PLA2G4A: variants seen among roughly 807,000 people sequenced by gnomAD.
The protein encoded by PLA2G4A is cytosolic phospholipase A2.
Under a neutral mutation model 81.9 loss-of-function variants are expected in PLA2G4A, and 40 were observed. The ratio of observed to expected loss-of-function variants is 0.49; its 90% confidence interval spans 0.38 to 0.64. The LOEUF is 0.64. Ranked by LOEUF, PLA2G4A falls within the 30% of genes least tolerant of loss-of-function variation. The pLI is 0.00. For synonymous variants in PLA2G4A, 302 were observed against 296.9 expected (o/e 1.02, Z -0.18); for missense variants, 715 against 905.1 (o/e 0.79, Z 2.69).
At chr1:186,928,141 CTG>C (rs1655616021) in intron 7 of PLA2G4A, among the ~76,000 whole-genome samples, 1 of 152,112 alleles carries the variant, frequency 6.6e-6, no homozygotes, top group Admixed American at 6.6e-5. Flanking sequence ...GAGCTGGAAA[CTG>C]GCCTAACTGG....
intron 5 of PLA2G4A, among the ~76,000 whole-genome samples, chr1:186,905,832 G>T (rs949649349): frequency 6.6e-6 from 1 of 152,078 alleles, no homozygotes; most frequent in Non-Finnish European, 1.5e-5. Context: ...AGTGAGAGAG[G>T]CAAATTTTTG....
At chr1:186,969,339 T>G (rs1657260210) in intron 15 of PLA2G4A, among the ~76,000 whole-genome samples, 1 of 151,894 alleles carries the variant, frequency 6.6e-6, no homozygotes, top group African/African-American at 2.4e-5. Context: ...CAATCATATG[T>G]GGAAAGATCA....
intron 1 of PLA2G4A, among the ~76,000 whole-genome samples, chr1:186,847,356 A>G (rs935312683): frequency 2.0e-5 from 2 of 100,208 alleles, no homozygotes; most frequent in African/African-American, 8.5e-5. Context: ...ATTATTTCAT[A>G]CGTGTGTGTG....
At chr1:186,875,560 C>T (rs563944092) in intron 3 of PLA2G4A, among the ~76,000 whole-genome samples, 2 of 151,626 alleles carry the variant, frequency 1.3e-5, no homozygotes, top group South Asian at 2.1e-4. Context: ...ATGTACTATA[C>T]ACACACACAC....
chr1:186,958,144 A>G (rs187060102), intron 14 of PLA2G4A, among the ~76,000 whole-genome samples: 1 of 152,168 alleles, frequency 6.6e-6, no homozygotes, highest in East Asian at 1.9e-4. Context: ...GATTAGTGCA[A>G]ACTCATTATA....
rs116030334 is a variant in PLA2G4A, at chr1:186,865,583, T to C, written c.34-4852T>C. ...CTCTGGGTTCAGTAATCACACATCA[T>C]AGTCTTTGTCATACTAACAGTTTTA... is the stretch of plus-strand genomic sequence containing the variant. On this transcript the variant is annotated intron_variant, in intron 2 of 17. Coordinates refer to ENST00000367466, the MANE Select transcript of PLA2G4A (RefSeq NM_024420.3). Among the ~76,000 whole-genome samples the C allele has an allele frequency of 4.4e-3, 666 of 152,312 alleles. 5 individuals carry two copies. Among genetic ancestry groups the C allele is most frequent in the African/African-American group, 0.014 (598 of 41,578 alleles).
chr1:186,932,929 T>A, intron 8 of PLA2G4A, 30 bp downstream of exon 8: 1 of 1,500,444 alleles, frequency 6.7e-7, no homozygotes, highest in Non-Finnish European at 9.3e-7. Context: ...TTTAGTTTTA[T>A]AACTTTAAAT....
chr1:186,986,082 A>T (rs1305413704), intron 17 of PLA2G4A, among the ~76,000 whole-genome samples: 1 of 152,148 alleles, frequency 6.6e-6, no homozygotes, highest in South Asian at 2.1e-4. Context: ...TGGTGTTAAT[A>T]TGCCACCTAG....
chr1:186,914,258 T>G (rs972961678), intron 7 of PLA2G4A, among the ~76,000 whole-genome samples: 1 of 91,064 alleles, frequency 1.1e-5, no homozygotes, highest in East Asian at 3.3e-4. Flanking sequence ...CCCAGAAAAT[T>G]TATATATATA....
intron 1 of PLA2G4A, among the ~76,000 whole-genome samples, chr1:186,836,428 A>G (rs536421446): frequency 1.1e-4 from 17 of 152,164 alleles, no homozygotes; most frequent in Middle Eastern, 3.4e-3. Flanking sequence ...ATCACAATGA[A>G]AAGGATGCTC....
At chr1:186,851,381 T>C (rs548098025) in intron 1 of PLA2G4A, among the ~76,000 whole-genome samples, 2 of 144,878 alleles carry the variant, frequency 1.4e-5, no homozygotes, top group South Asian at 4.6e-4. Context: ...AAGAAATCAC[T>C]TCTGAGGGGA....
chr1:186,856,808 T>C (rs1652569644), intron 2 of PLA2G4A, among the ~76,000 whole-genome samples: 1 of 151,596 alleles, frequency 6.6e-6, no homozygotes, highest in African/African-American at 2.4e-5. Context: ...AGCATAGACC[T>C]GAAGGTTAGC....
intron 1 of PLA2G4A, among the ~76,000 whole-genome samples, chr1:186,829,968 T>G (rs78430599): frequency 6.6e-6 from 1 of 152,168 alleles, no homozygotes; most frequent in Non-Finnish European, 1.5e-5. Flanking sequence ...ATAATTTGAG[T>G]TCAAAGAAGA....
At chr1:186,968,400 A>ATGTGTG (rs58475951) in intron 15 of PLA2G4A, among the ~76,000 whole-genome samples, 4,061 of 137,428 alleles carry the variant, frequency 0.03, 144 homozygotes, top group African/African-American at 0.064. Flanking sequence ...CGCGGTGTGT[A>ATGTGTG]TGTGTGTGTG....
chr1:186,933,873 T>G (rs1179314649), intron 8 of PLA2G4A, among the ~76,000 whole-genome samples: 1 of 152,162 alleles, frequency 6.6e-6, no homozygotes, highest in Non-Finnish European at 1.5e-5. Flanking sequence ...GAGTTCTTTC[T>G]ACTAAACCAC....
intron 1 of PLA2G4A, among the ~76,000 whole-genome samples, chr1:186,838,371 A>G (rs1571322357): frequency 6.6e-6 from 1 of 152,234 alleles, no homozygotes; most frequent in East Asian, 1.9e-4. Flanking sequence ...ACAAAATAAA[A>G]AACAACCCAA....
intron 3 of PLA2G4A, among the ~76,000 whole-genome samples, chr1:186,889,938 G>A (rs1327042021): frequency 6.6e-6 from 1 of 152,136 alleles, no homozygotes; most frequent in Non-Finnish European, 1.5e-5. Flanking sequence ...GTAGTCAAAT[G>A]ACCCAGGTTC....
intron 7 of PLA2G4A, among the ~76,000 whole-genome samples, chr1:186,932,294 C>CTTTTTTTT (rs67757094): frequency 6.5e-5 from 9 of 138,560 alleles, no homozygotes; most frequent in African/African-American, 1.8e-4. Context: ...TTTTCTTTTT[C>CTTTTTTTT]TTTTTTTTTT....
intron 8 of PLA2G4A, among the ~76,000 whole-genome samples, chr1:186,938,650 C>T (rs537662251): frequency 7.2e-5 from 11 of 152,222 alleles, no homozygotes; most frequent in African/African-American, 2.6e-4. Context: ...CCAGACAAGT[C>T]AATTCATTTA....
Sources: gnomAD v4.1 joint callset for allele counts (sites outside exome capture counted in the v4.1 genomes callset) on GRCh38, gnomAD v4.1.1 for gene constraint, MANE v1.5 for transcripts, NCBI Gene and HGNC (gene_info 2026-07-23, HGNC 2026-07-21) for gene names.